PUS10: variants seen among roughly 807,000 people sequenced by gnomAD.
PUS10 encodes pseudouridine synthase 10.
A neutral mutation model predicts 75.0 loss-of-function variants in PUS10; 59 were observed. That is an observed-to-expected ratio of 0.79 (90% CI 0.64 to 0.98). The LOEUF (loss-of-function observed/expected upper bound fraction) is 0.98. PUS10 is among the 50% of genes least tolerant of loss of function. PUS10 has a pLI of 0.00. For missense variants in PUS10, 650 were observed against 614.4 expected, an observed-to-expected ratio of 1.06 and a Z score of -0.61; for synonymous variants, 219 against 211.6, an observed-to-expected ratio of 1.03 and a Z score of -0.30.
chr2:60,980,292 T>C (rs113898510), intron 4 of PUS10, among the ~76,000 whole-genome samples: 1 of 152,196 alleles, frequency 6.6e-6, no homozygotes, highest in South Asian at 2.1e-4. Context: ...GCAAATGTAC[T>C]CCCTCTTTGA....
At chr2:61,002,767 G>C (rs1013223299) in intron 4 of PUS10, among the ~76,000 whole-genome samples, 3 of 152,092 alleles carry the variant, frequency 2.0e-5, no homozygotes, top group Non-Finnish European at 4.4e-5. Context: ...CATGACAGTC[G>C]TAAGGTATTT....
intron 10 of PUS10, among the ~76,000 whole-genome samples, chr2:60,961,226 A>G (rs551651394): frequency 6.6e-6 from 1 of 152,256 alleles, no homozygotes; most frequent in Admixed American, 6.5e-5. Flanking sequence ...AACTATTAAA[A>G]CCTAGGAAGT....
chr2:60,954,052 T>C (rs1232875142), intron 13 of PUS10, 30 bp downstream of exon 13: 2 of 1,611,976 alleles, frequency 1.2e-6, no homozygotes, highest in Non-Finnish European at 1.7e-6. Context: ...TGCAGAAACA[T>C]GACGATTTCC....
intron 4 of PUS10, among the ~76,000 whole-genome samples, chr2:60,976,913 A>C (rs373107858): frequency 1.3e-5 from 2 of 152,190 alleles, no homozygotes; most frequent in African/African-American, 4.8e-5. Context: ...TTTCCTCCCC[A>C]ACAGAAGCAA....
intron 4 of PUS10, among the ~76,000 whole-genome samples, chr2:61,005,426 T>G (rs2104682982): frequency 6.6e-6 from 1 of 152,346 alleles, no homozygotes; most frequent in South Asian, 2.1e-4. Context: ...TCACAGGCTC[T>G]GAGGGTTAGG....
chr2:61,015,694 A>T (rs552868128), intron 1 of PUS10, among the ~76,000 whole-genome samples: 1 of 152,144 alleles, frequency 6.6e-6, no homozygotes, highest in Admixed American at 6.6e-5. Flanking sequence ...GCGAGACTCC[A>T]TCTCAATAAA....
At position 60,973,647 on chromosome 2, in the gene PUS10, G is replaced by A. The variant is rs531263477; in HGVS notation, c.469-2090C>T. Among the ~76,000 whole-genome samples the A allele has an allele frequency of 2.0e-3, 301 of 152,368 alleles. 1 individual carries two copies. The highest frequency in any genetic ancestry group is 3.6e-3 in the Non-Finnish European group (248 of 68,022). ...GCCCCTTGGCAAGAACAGCCAGGGC[G>A]CCATGAACAGCAGCAGGAGGCAGAG... On this transcript the variant is annotated intron_variant, in intron 4 of 17. Coordinates refer to ENST00000316752, the MANE Select transcript of PUS10 (RefSeq NM_144709.4).
intron 5 of PUS10, among the ~76,000 whole-genome samples, chr2:60,970,658 G>C (rs1017443014): frequency 2.0e-5 from 3 of 152,030 alleles, no homozygotes; most frequent in African/African-American, 7.3e-5. Flanking sequence ...CCTGGGCGGG[G>C]GAGGGGACGG....
intron 15 of PUS10, among the ~76,000 whole-genome samples, chr2:60,952,283 G>T (rs996905055): frequency 2.7e-5 from 4 of 149,074 alleles, no homozygotes; most frequent in African/African-American, 9.9e-5. Context: ...GCAGTGAGCT[G>T]AGATTGTGCC....
intron 2 of PUS10, among the ~76,000 whole-genome samples, chr2:61,011,548 T>C (rs1679596063): frequency 6.6e-6 from 1 of 152,174 alleles, no homozygotes; most frequent in African/African-American, 2.4e-5. Flanking sequence ...AAAGATCCCA[T>C]TACACTAAAT....
chr2:61,006,716 T>C, intron 3 of PUS10, 73 bp from the exon 4 acceptor site: 1 of 1,188,788 alleles, frequency 8.4e-7, no homozygotes, highest in Non-Finnish European at 1.2e-6. Flanking sequence ...CTTAATAACA[T>C]GAATTTCTGG....
intron 1 of PUS10, among the ~76,000 whole-genome samples, chr2:61,014,192 G>A (rs1573533909): frequency 6.6e-6 from 1 of 152,020 alleles, no homozygotes; most frequent in Non-Finnish European, 1.5e-5. Flanking sequence ...TGGCCAACAC[G>A]GTAAAACCCT....
At chr2:61,013,700 C>T (rs1679782729) in intron 1 of PUS10, among the ~76,000 whole-genome samples, 2 of 152,150 alleles carry the variant, frequency 1.3e-5, no homozygotes, top group African/African-American at 4.8e-5. Flanking sequence ...TACTGGACTA[C>T]CCTTAATGAT....
chr2:61,004,179 TA>T (rs1389968722), intron 4 of PUS10, among the ~76,000 whole-genome samples: 1 of 152,196 alleles, frequency 6.6e-6, no homozygotes, highest in Non-Finnish European at 1.5e-5. Context: ...GAATTTAATT[TA>T]TATTCAAAAT....
At chr2:60,968,452 T>C (rs1251328510) in intron 5 of PUS10, among the ~76,000 whole-genome samples, 2 of 152,144 alleles carry the variant, frequency 1.3e-5, no homozygotes, top group Non-Finnish European at 2.9e-5. Flanking sequence ...ATGAAAGAGA[T>C]GTAAGGGCCA....
At chr2:60,950,477 G>C (rs1161162015) in intron 15 of PUS10, among the ~76,000 whole-genome samples, 1 of 152,114 alleles carries the variant, frequency 6.6e-6, no homozygotes, top group Non-Finnish European at 1.5e-5. Flanking sequence ...GAGTGCTGTG[G>C]CGCGATCTCA....
chr2:60,973,090 T>C (rs1039133637), intron 4 of PUS10, among the ~76,000 whole-genome samples: 1 of 152,208 alleles, frequency 6.6e-6, no homozygotes, highest in African/African-American at 2.4e-5. Context: ...TGCTCTCGCA[T>C]GGCCGGCCAG....
intron 15 of PUS10, among the ~76,000 whole-genome samples, chr2:60,952,148 A>G (rs1675374088): frequency 6.6e-6 from 1 of 152,124 alleles, no homozygotes. Flanking sequence ...AGCCAGGCCA[A>G]CATGGCAAAA....
intron 10 of PUS10, among the ~76,000 whole-genome samples, chr2:60,960,941 TTATA>T (rs1675994907): frequency 6.6e-6 from 1 of 151,938 alleles, no homozygotes; most frequent in East Asian, 1.9e-4. Context: ...GGATAGGATA[TTATA>T]GTCAAGGCTG....
Sources: allele counts gnomAD v4.1 joint callset (sites outside exome capture counted in the v4.1 genomes callset), GRCh38; gene constraint gnomAD v4.1.1; transcripts MANE v1.5; gene names NCBI Gene and HGNC (gene_info 2026-07-23, HGNC 2026-07-21).